Variants in STAM2 observed in about 807,000 individuals in gnomAD.
STAM2 encodes signal transducing adaptor molecule 2, also known as signal transducing adapter molecule 2.
STAM2 carries 51 observed loss-of-function variants against 65.6 expected under a neutral mutation model. That is an observed-to-expected ratio of 0.78 (90% confidence interval 0.62 to 0.98). The LOEUF (loss-of-function observed/expected upper bound fraction) is 0.98, where lower values mean the gene tolerates loss of function less well. Ranked by LOEUF, STAM2 falls within the 50% of genes least tolerant of loss-of-function variation. The pLI, the probability that STAM2 is intolerant of heterozygous loss-of-function variation, is 0.00. For synonymous variants in STAM2, 198 were observed against 208.4 expected (o/e 0.95, Z 0.43); for missense variants, 584 against 617.8 (o/e 0.95, Z 0.58).
At chr2:152,143,439 G>A (rs1219910531) in intron 7 of STAM2, among the ~76,000 whole-genome samples, 1 of 152,168 alleles carries the variant, frequency 6.6e-6, no homozygotes, top group African/African-American at 2.4e-5. Context: ...TTGGGGAGGA[G>A]CCAAGTATAG....
Position 152,133,228 on chromosome 2 carries a change from CT to C in STAM2, c.914del (p.Gln305ArgfsTer3). The C allele has an allele frequency of 6.2e-7, 1 of 1,610,450 alleles. No homozygotes were observed. Among genetic ancestry groups the C allele is most frequent in the Non-Finnish European group, 8.5e-7 (1 of 1,178,498 alleles). ...DKMDRALQVLQSIDPTDSKPD... is the reference protein window; with the variant it reads ...DKMDRALQVLXSIDPTDSKPD... The stretch of plus-strand genomic sequence containing the variant: ...GTTTTGAATCTGTTGGATCTATACT[CT>C]GAAGTACCTGCAGGGCTCTATCCAT... On this transcript the variant is annotated frameshift_variant, in exon 10 of 14. Transcript: ENST00000263904. LOFTEE classifies it high-confidence loss of function.
chr2:152,152,165 T>C (rs1689458707), intron 1 of STAM2, among the ~76,000 whole-genome samples: 1 of 152,200 alleles, frequency 6.6e-6, no homozygotes, highest in Admixed American at 6.5e-5. Context: ...CGTCTCAAAC[T>C]GCTGGGCTCA....
At chr2:152,159,110 T>TGTGTGTATATATATATATAC (rs1689610173) in intron 1 of STAM2, among the ~76,000 whole-genome samples, 1 of 129,234 alleles carries the variant, frequency 7.7e-6, no homozygotes, top group Non-Finnish European at 1.6e-5. Flanking sequence ...TATATATATA[T>TGTGTGTATATATATATATAC]ACACACACAG....
intron 1 of STAM2, among the ~76,000 whole-genome samples, chr2:152,161,160 T>C (rs1242105745): frequency 6.6e-6 from 1 of 151,752 alleles, no homozygotes; most frequent in African/African-American, 2.4e-5. Context: ...CTAAGAAAAA[T>C]TCTTCTGCCT....
At chr2:152,168,216 A>G (rs1355019868) in intron 1 of STAM2, among the ~76,000 whole-genome samples, 1 of 151,740 alleles carries the variant, frequency 6.6e-6, no homozygotes, top group African/African-American at 2.4e-5. Context: ...GCTGGAGTGC[A>G]GTGGCGCGAT....
intron 2 of STAM2, 35 bp downstream of exon 2, chr2:152,150,110 C>A: frequency 7.1e-7 from 1 of 1,407,998 alleles, no homozygotes; most frequent in South Asian, 1.2e-5. Flanking sequence ...TTATCAAGTT[C>A]CTAGACATTC....
At chr2:152,122,716 G>A (rs1688878969) in intron 13 of STAM2, among the ~76,000 whole-genome samples, 2 of 151,996 alleles carry the variant, frequency 1.3e-5, no homozygotes, top group African/African-American at 4.8e-5. Flanking sequence ...TAAGCAAAAT[G>A]AATAGAAAGA....
In STAM2 at chr2:152,119,608, A is replaced by G; in HGVS notation, c.*966T>C. On this transcript the variant is annotated 3_prime_UTR_variant, in exon 14 of 14. Transcript: ENST00000263904. ...TTCAAATTCACACGCAATCCCATAA[A>G]AAGGATATGCAGCATCTCTGCACAC... 6.6e-6 allele frequency: 1 copy of G among 152,260 alleles called. No homozygotes were observed. Among genetic ancestry groups the G allele is most frequent in the Non-Finnish European group, 1.5e-5 (1 of 68,038 alleles). The allele number at this position is 152,260 out of a possible 1,614,324, so 9.4% of individuals were successfully genotyped here.
intron 1 of STAM2, among the ~76,000 whole-genome samples, chr2:152,164,446 G>A (rs974864112): frequency 1.3e-5 from 2 of 151,262 alleles, no homozygotes; most frequent in African/African-American, 4.9e-5. Flanking sequence ...GAGTTCAAAC[G>A]ACTCTCCTGC....
chr2:152,134,298 C>T (rs1312884537), intron 8 of STAM2, among the ~76,000 whole-genome samples: 1 of 152,178 alleles, frequency 6.6e-6, no homozygotes, highest in Non-Finnish European at 1.5e-5. Context: ...ATTTTTTCCT[C>T]TTAATACTCT....
intron 11 of STAM2, among the ~76,000 whole-genome samples, chr2:152,128,040 T>C (rs1688991040): frequency 6.6e-6 from 1 of 152,194 alleles, no homozygotes; most frequent in Non-Finnish European, 1.5e-5. Flanking sequence ...GAGTCTGTTA[T>C]GTCTGAACTA....
intron 11 of STAM2, among the ~76,000 whole-genome samples, chr2:152,127,995 G>A (rs1283135498): frequency 6.6e-6 from 1 of 152,178 alleles, no homozygotes; most frequent in African/African-American, 2.4e-5. Context: ...AGCCTGGACT[G>A]AGTCCTATCA....
At chr2:152,174,951 T>C (rs2105576336) in intron 1 of STAM2, among the ~76,000 whole-genome samples, 1 of 152,342 alleles carries the variant, frequency 6.6e-6, no homozygotes, top group South Asian at 2.1e-4. Flanking sequence ...ACATGTAAAA[T>C]ACTTGTTGTT....
intron 1 of STAM2, among the ~76,000 whole-genome samples, chr2:152,152,895 C>T (rs10930958): frequency 0.61 from 93,271 of 151,982 alleles, 30,299 homozygotes; most frequent in East Asian, 0.87. Context: ...TTGAGGGGGG[C>T]TCAAAAGAAG....
intron 8 of STAM2, among the ~76,000 whole-genome samples, chr2:152,135,025 T>A (rs906038278): frequency 2.0e-5 from 3 of 152,216 alleles, no homozygotes; most frequent in African/African-American, 7.2e-5. Flanking sequence ...TTTGTTGTTA[T>A]TGTTTCAAGC....
chr2:152,162,189 T>G (rs1689691919), intron 1 of STAM2, among the ~76,000 whole-genome samples: 1 of 152,166 alleles, frequency 6.6e-6, no homozygotes, highest in Non-Finnish European at 1.5e-5. Flanking sequence ...AGATAGCAAT[T>G]TAATTAAAAA....
chr2:152,172,939 T>A (rs1019129363), intron 1 of STAM2, among the ~76,000 whole-genome samples: 3 of 151,608 alleles, frequency 2.0e-5, no homozygotes, highest in Non-Finnish European at 4.4e-5. Flanking sequence ...CAGAGAAAGC[T>A]CCTATCTGAA....
intron 7 of STAM2, among the ~76,000 whole-genome samples, chr2:152,136,213 C>T (rs1478986762): frequency 6.6e-6 from 1 of 151,740 alleles, no homozygotes; most frequent in Non-Finnish European, 1.5e-5. Context: ...GAGGCCGAGG[C>T]GAGTGGATCA....
intron 1 of STAM2, among the ~76,000 whole-genome samples, chr2:152,155,692 T>G (rs193204659): frequency 9.8e-5 from 15 of 152,368 alleles, no homozygotes; most frequent in Admixed American, 9.8e-4. Context: ...GTTTTTGCTA[T>G]AACAGAATCT....
Sources: allele counts gnomAD v4.1 joint callset (sites outside exome capture counted in the v4.1 genomes callset), GRCh38; gene constraint gnomAD v4.1.1; transcripts MANE v1.5; gene names NCBI Gene and HGNC (gene_info 2026-07-23, HGNC 2026-07-21).